Variants in NOS1 observed in about 807,000 individuals in gnomAD.
NOS1 encodes NOS type I.
Under a neutral mutation model 164.5 loss-of-function variants are expected in NOS1, and 51 were observed. That is an observed-to-expected ratio of 0.31 (90% CI 0.25 to 0.39). The LOEUF (loss-of-function observed/expected upper bound fraction) is 0.39. NOS1 is among the 10% of genes least tolerant of loss of function. The pLI, the probability that NOS1 is intolerant of heterozygous loss-of-function variation, is 1.00. For missense variants in NOS1, 1,362 were observed against 1,885.6 expected, an observed-to-expected ratio of 0.72 and a Z score of 5.14; for synonymous variants, 719 against 745.8, an observed-to-expected ratio of 0.96 and a Z score of 0.59.
Position 117,210,332 on chromosome 12 carries a change from C to A in NOS1, c.*4977G>T. 1 of 985,216 alleles carries A rather than the reference C, an allele frequency of 1.0e-6. No individual in the cohort carries two copies. Among genetic ancestry groups the A allele is most frequent in the Non-Finnish European group, 1.2e-6 (1 of 829,906 alleles). 61.0% of individuals were successfully genotyped at this position (985,216 alleles called of 1,614,324 possible). ...TGCAGGAGACTATGAAGGTTGGGGA[C>A]AGCCAGAGAGTATGAATGGGTTATA... On this transcript the variant is annotated 3_prime_UTR_variant, in exon 29 of 29. Transcript: ENST00000317775.
intron 12 of NOS1, among the ~76,000 whole-genome samples, chr12:117,264,705 C>G (rs1872239302): frequency 6.8e-6 from 1 of 147,140 alleles, no homozygotes; most frequent in Non-Finnish European, 1.5e-5. Flanking sequence ...CTCCCCCTCT[C>G]CCTCTCCCTT....
At chr12:117,301,414 C>A in intron 3 of NOS1, among the ~76,000 whole-genome samples, 1 of 152,236 alleles carries the variant, frequency 6.6e-6, no homozygotes, top group East Asian at 1.9e-4. Context: ...CAGGCATGAG[C>A]TACACCTGGC....
intron 20 of NOS1, among the ~76,000 whole-genome samples, chr12:117,241,185 G>A (rs951069632): frequency 6.6e-6 from 1 of 151,894 alleles, no homozygotes; most frequent in African/African-American, 2.4e-5. Flanking sequence ...TGATCCACCC[G>A]CCTTGGCCTC....
chr12:117,330,592 G>T lies in NOS1; in HGVS notation c.478C>A (p.Gln160Lys), dbSNP rs1307082088. The change falls in exon 2 of 29, where the codon CAG (glutamine) becomes AAG (lysine). Residue 160 changes from glutamine to lysine, a missense_variant. By Grantham distance (53) the Gln-to-Lys change is moderately conservative. Coordinates refer to ENST00000317775, the MANE Select transcript of NOS1 (RefSeq NM_000620.5). This position sits in a 1 kb window ranked among gnomAD's most constrained non-coding sequence, Gnocchi z 4.6. ...TCCTGCCCATCATCGTAGGCATGCT[G>T]AGGCCCATTCCCGGGACCCGAGGCC... is the stretch of plus-strand genomic sequence containing the variant. ...DGASGPGNGP[Q>K]HAYDDGQEAG... 6.2e-7 allele frequency: 1 copy of T among 1,612,600 alleles called. No individual in the cohort carries two copies. Among genetic ancestry groups the T allele is most frequent in the Non-Finnish European group, 8.5e-7 (1 of 1,179,382 alleles).
rs1481852079 is a variant in NOS1 at position 117,350,488 on chromosome 12, T to TA, written c.-421+11023dup. 3.3e-5 allele frequency among the ~76,000 whole-genome samples: 5 copies of TA among 152,352 alleles called. No homozygotes were observed. The South Asian group carries it at 1.0e-3, about 32-fold the overall frequency. ...CCCTGGAACTGTTCACTTGATTTTA[T>TA]AGTACCCACTCCCATTTTCTCAAAG... On this transcript the variant is annotated intron_variant, in intron 1 of 28. Transcript: ENST00000317775.
At chr12:117,232,860 T>C (rs1218614571) in intron 21 of NOS1, among the ~76,000 whole-genome samples, 1 of 151,966 alleles carries the variant, frequency 6.6e-6, no homozygotes, top group Non-Finnish European at 1.5e-5. Context: ...GATTTATTTT[T>C]ATTTTTATTT....
chr12:117,224,575 G>A (rs1449549632), intron 25 of NOS1, among the ~76,000 whole-genome samples: 2 of 152,194 alleles, frequency 1.3e-5, no homozygotes, highest in East Asian at 1.9e-4. Flanking sequence ...GTGAGCCACC[G>A]CGCCCGGCCA....
intron 12 of NOS1, among the ~76,000 whole-genome samples, chr12:117,265,036 G>A (rs143706961): frequency 6.6e-6 from 1 of 151,926 alleles, no homozygotes; most frequent in African/African-American, 2.4e-5. Context: ...TTTAGAGATG[G>A]GGTCTCACTA....
intron 1 of NOS1, among the ~76,000 whole-genome samples, chr12:117,355,431 G>T (rs539000539): frequency 2.0e-5 from 3 of 152,206 alleles, no homozygotes; most frequent in African/African-American, 7.2e-5. Flanking sequence ...GTCTTTGTGG[G>T]AAGTGCGTCC....
chr12:117,286,451 T>G (rs1275168200), intron 5 of NOS1, among the ~76,000 whole-genome samples, 185 bp from the exon 6 acceptor site: 1 of 152,170 alleles, frequency 6.6e-6, no homozygotes, highest in Non-Finnish European at 1.5e-5. Context: ...CCACAAAGGC[T>G]GAACATTGTA....
Position 117,208,960 on chromosome 12 carries a change from T to G in NOS1, c.*6349A>C. ...TTGGTCTCTAACTCCCAGCCTCAAG[T>G]GATCTGCCAGCCTCGGCCTCCCAAA... On this transcript the variant is annotated 3_prime_UTR_variant, in exon 29 of 29. Coordinates refer to ENST00000317775, the MANE Select transcript of NOS1 (RefSeq NM_000620.5). 1 of 885,240 alleles carries G rather than the reference T, an allele frequency of 1.1e-6. No homozygotes were observed. Among genetic ancestry groups the G allele is most frequent in the South Asian group, 5.2e-5 (1 of 19,262 alleles). The allele number at this position is 885,240 out of a possible 1,614,324, so 54.8% of individuals were successfully genotyped here.
chr12:117,349,970 C>T (rs1876541344), intron 1 of NOS1, among the ~76,000 whole-genome samples: 1 of 152,034 alleles, frequency 6.6e-6, no homozygotes, highest in South Asian at 2.1e-4. Flanking sequence ...AGCAATCCTC[C>T]CTCCTCAACC....
At chr12:117,259,501 A>T (rs1045050112) in intron 14 of NOS1, among the ~76,000 whole-genome samples, 1 of 152,138 alleles carries the variant, frequency 6.6e-6, no homozygotes, top group Non-Finnish European at 1.5e-5. Flanking sequence ...GACCCCAGTT[A>T]GGCCGGGAAT....
intron 16 of NOS1, chr12:117,256,120 G>T: frequency 1.5e-6 from 1 of 669,768 alleles, no homozygotes. Flanking sequence ...CTAGGATGGG[G>T]TGGGAAGGAG....
intron 1 of NOS1, among the ~76,000 whole-genome samples, chr12:117,360,814 C>T (rs901572629): frequency 3.3e-5 from 5 of 152,144 alleles, no homozygotes; most frequent in Non-Finnish European, 1.5e-5. Context: ...GACTGGCATC[C>T]CCCAGCCCGG....
At position 117,330,717 on chromosome 12, in the gene NOS1, T is replaced by C. The variant is rs890663075; in HGVS notation, c.353A>G (p.Lys118Arg). The change falls in exon 2 of 29, where the codon AAG becomes AGG. Residue 118 changes from lysine (K) to arginine (R), a missense_variant. This residue lies in a region of NOS1 where 362 missense variants were observed against 402.0 expected (regional missense o/e 0.90). Transcript: ENST00000317775. This position sits in a 1 kb window ranked among gnomAD's most constrained non-coding sequence, Gnocchi z 4.6. ...CAGGGGCTGTGTCACCCGGATGGTC[T>C]TGGGGGTCCCATCACCTGTAAAGGT... ...ETTFTGDGTP[K>R]TIRVTQPLGP... The C allele has an allele frequency of 3.7e-6, 6 of 1,613,830 alleles. No individual in the cohort carries two copies. The Admixed American group carries it at 8.3e-5, about 22-fold the overall frequency.
rs868213034 is a variant in NOS1, at chr12:117,220,101, C to T, written c.4144G>A (p.Ala1382Thr). ...TQQGKLSAED[A>T]GVFISRMRDD... ...CTCATCCGGCTGATGAATACGCCGG[C>T]GTCCTCTGCCGAGAGCTTCCCCTGC... The change falls in exon 27 of 29, where the codon GCC (alanine) becomes ACC (threonine). Residue 1382 changes from alanine to threonine, a missense_variant. Ala to Thr is a moderately conservative substitution (Grantham distance 58). Coordinates refer to ENST00000317775, the MANE Select transcript of NOS1 (RefSeq NM_000620.5). 2.2e-5 allele frequency: 35 copies of T among 1,611,580 alleles called. No homozygotes were observed. Among genetic ancestry groups the T allele is most frequent in the Middle Eastern group, 1.6e-4 (1 of 6,066 alleles).
intron 27 of NOS1, among the ~76,000 whole-genome samples, chr12:117,219,216 C>T (rs1289940123): frequency 2.6e-5 from 4 of 152,048 alleles, no homozygotes; most frequent in East Asian, 1.9e-4. Context: ...CTCTTGACCT[C>T]GTGATACACC....
intron 22 of NOS1, among the ~76,000 whole-genome samples, chr12:117,229,562 T>TA (rs71444611): frequency 6.7e-6 from 1 of 149,284 alleles, no homozygotes; most frequent in Non-Finnish European, 1.5e-5. Context: ...TATCAAATTC[T>TA]TCTATCTATC....
Sources: allele counts gnomAD v4.1 joint callset (sites outside exome capture counted in the v4.1 genomes callset), GRCh38; gene constraint gnomAD v4.1.1; regional missense constraint gnomAD v4.1.1; non-coding constraint Gnocchi (gnomAD v3.1); transcripts MANE v1.5; gene names NCBI Gene and HGNC (gene_info 2026-07-23, HGNC 2026-07-21).